Variants in DYNC1I1 observed in about 807,000 individuals in gnomAD.
The protein encoded by DYNC1I1 is cytoplasmic dynein 1 intermediate chain 1.
Under a neutral mutation model 86.6 loss-of-function variants are expected in DYNC1I1, and 43 were observed. The observed-to-expected ratio is 0.50, with a 90% confidence interval of 0.39 to 0.64. The LOEUF (loss-of-function observed/expected upper bound fraction) is 0.64. Ranked by LOEUF, DYNC1I1 falls within the 30% of genes least tolerant of loss-of-function variation. The probability of loss-of-function intolerance (pLI) is 0.00; values close to 1 mark genes in which losing one functional copy is unlikely to be tolerated. For missense variants in DYNC1I1, 604 were observed against 788.8 expected (o/e 0.77, Z 2.81); for synonymous variants, 262 against 283.7 (o/e 0.92, Z 0.77).
chr7:95,861,778 G>A (rs1163011309), intron 5 of DYNC1I1, among the ~76,000 whole-genome samples: 1 of 152,198 alleles, frequency 6.6e-6, no homozygotes, highest in East Asian at 1.9e-4. Context: ...TGGAAGTCAT[G>A]CGAAGGTGTT....
chr7:96,097,497 C>T lies in DYNC1I1; in HGVS notation c.1791C>T (p.His597=). The T allele has an allele frequency of 6.2e-7, 1 of 1,613,708 alleles. No homozygotes were observed. The highest frequency in any genetic ancestry group is 8.5e-7 in the Non-Finnish European group (1 of 1,179,736). ...VYDVGELAVP[H]NDEWTRFART... Reference sequence around the variant, plus strand: ...TTGCTTTGCAGCTTGCAGTTCCCCACAATGATGAATGGACCCGATTTGCCA... The same window carrying T: ...TTGCTTTGCAGCTTGCAGTTCCCCATAATGATGAATGGACCCGATTTGCCA... Residue 597 remains histidine (H), a synonymous_variant, in exon 17 of 17, where the codon CAC becomes CAT. Coordinates refer to ENST00000447467, the MANE Select transcript of DYNC1I1 (RefSeq NM_001135556.2).
chr7:96,051,624 A>C (rs934767899), intron 14 of DYNC1I1, among the ~76,000 whole-genome samples: 1 of 152,222 alleles, frequency 6.6e-6, no homozygotes, highest in African/African-American at 2.4e-5. Context: ...CTCTGCTCTG[A>C]GAATAAAATT....
At chr7:95,833,941 T>C (rs1788997401) in intron 5 of DYNC1I1, among the ~76,000 whole-genome samples, 1 of 144,648 alleles carries the variant, frequency 6.9e-6, no homozygotes, top group Non-Finnish European at 1.5e-5. Flanking sequence ...CTTCCTCTTT[T>C]CCTAATTGAA....
chr7:96,012,671 A>G (rs1466984844), intron 10 of DYNC1I1, among the ~76,000 whole-genome samples: 1 of 152,130 alleles, frequency 6.6e-6, no homozygotes. Flanking sequence ...TTAGCTAGTG[A>G]TGGGCTGTGG....
intron 6 of DYNC1I1, among the ~76,000 whole-genome samples, chr7:95,954,100 G>A (rs1792633869): frequency 6.6e-6 from 1 of 152,044 alleles, no homozygotes; most frequent in Non-Finnish European, 1.5e-5. Context: ...CCGGGATATT[G>A]AGGGAGGGAA....
intron 10 of DYNC1I1, among the ~76,000 whole-genome samples, chr7:95,997,686 T>C (rs957786082): frequency 6.6e-6 from 1 of 151,086 alleles, no homozygotes; most frequent in African/African-American, 2.4e-5. Flanking sequence ...TCTCCCTTAA[T>C]GATCCAATAT....
intron 7 of DYNC1I1, among the ~76,000 whole-genome samples, chr7:95,981,256 A>G (rs993914561): frequency 2.1e-4 from 32 of 152,130 alleles, no homozygotes; most frequent in Non-Finnish European, 3.4e-4. Flanking sequence ...TTAAAGTAGT[A>G]TAAATTAATT....
intron 10 of DYNC1I1, among the ~76,000 whole-genome samples, chr7:96,027,388 G>T (rs1466619361): frequency 6.6e-6 from 1 of 152,194 alleles, no homozygotes; most frequent in African/African-American, 2.4e-5. Context: ...CTGACTTTAA[G>T]TGCATTATGG....
At chr7:95,869,068 C>T (rs995212636) in intron 5 of DYNC1I1, among the ~76,000 whole-genome samples, 2 of 152,108 alleles carry the variant, frequency 1.3e-5, no homozygotes, top group Non-Finnish European at 2.9e-5. Flanking sequence ...CTACAATTTA[C>T]GAGTTGTATA....
At chr7:95,889,013 G>A (rs1156628750) in intron 6 of DYNC1I1, among the ~76,000 whole-genome samples, 1 of 152,158 alleles carries the variant, frequency 6.6e-6, no homozygotes, top group Non-Finnish European at 1.5e-5. Context: ...AGAAGTCATT[G>A]GAGGAAGCTG....
chr7:96,077,553 C>A (rs942573863), intron 15 of DYNC1I1, among the ~76,000 whole-genome samples: 3 of 151,900 alleles, frequency 2.0e-5, no homozygotes, highest in African/African-American at 7.3e-5. Flanking sequence ...ATGTTATTAC[C>A]CTACATTGTA....
At chr7:95,998,545 CA>C (rs59360364) in intron 10 of DYNC1I1, among the ~76,000 whole-genome samples, 3,550 of 152,302 alleles carry the variant, frequency 0.023, 149 homozygotes, top group African/African-American at 0.08. Context: ...TTATTTATTA[CA>C]ACTGGTCATT....
intron 14 of DYNC1I1, 147 bp downstream of exon 14, chr7:96,039,568 A>G: frequency 1.2e-6 from 1 of 867,378 alleles, no homozygotes. Context: ...AGTCTACCTC[A>G]GAGCTAGTTA....
chr7:95,977,500 T>C lies in DYNC1I1; in HGVS notation c.491-12T>C. ...AAAGAAAATATTGTATTTTTCTCTT[T>C]CTTTTTTCTAGAGGATGAGGAAGAT... On this transcript the variant is annotated splice_polypyrimidine_tract_variant and intron_variant, in intron 6 of 16. Coordinates refer to ENST00000447467, the MANE Select transcript of DYNC1I1 (RefSeq NM_001135556.2). 6.2e-7 allele frequency: 1 copy of C among 1,610,324 alleles called. No homozygotes were observed. The highest frequency in any genetic ancestry group is 1.1e-5 in the South Asian group (1 of 89,870).
intron 5 of DYNC1I1, among the ~76,000 whole-genome samples, chr7:95,845,741 C>T (rs1000066915): frequency 1.4e-4 from 22 of 152,190 alleles, no homozygotes; most frequent in African/African-American, 5.1e-4. Flanking sequence ...TATATTCTGA[C>T]CCATGAAGAA....
intron 6 of DYNC1I1, among the ~76,000 whole-genome samples, chr7:95,908,733 T>G: frequency 6.6e-6 from 1 of 151,976 alleles, no homozygotes; most frequent in East Asian, 1.9e-4. Context: ...AGCGGTTGGT[T>G]TAGAAAGTGT....
At chr7:96,039,160 T>C (rs995496549) in intron 13 of DYNC1I1, 117 bp from the exon 14 acceptor site, 28 of 1,111,304 alleles carry the variant, frequency 2.5e-5, no homozygotes, top group Non-Finnish European at 2.2e-5. Flanking sequence ...TGGTGGTGTG[T>C]GGTTGTTCTA....
intron 10 of DYNC1I1, among the ~76,000 whole-genome samples, 179 bp downstream of exon 10, chr7:95,996,252 A>G (rs974941902): frequency 6.6e-6 from 1 of 152,190 alleles, no homozygotes; most frequent in African/African-American, 2.4e-5. Context: ...ACCCTCCCCA[A>G]ACAGTTAGGA....
In DYNC1I1 at chr7:96,064,212, C is replaced by A. The variant is rs201188976; in HGVS notation, c.1510-11845C>A. 2.3e-4 allele frequency among the ~76,000 whole-genome samples: 8 copies of A among 35,456 alleles called. No individual in the cohort carries two copies. In the East Asian group the frequency reaches 7.4e-3, roughly 33 times the overall value. 23.3% of individuals were successfully genotyped at this position (35,456 alleles called of 152,430 possible). On this transcript the variant is annotated intron_variant, in intron 14 of 16. Coordinates refer to ENST00000447467, the MANE Select transcript of DYNC1I1 (RefSeq NM_001135556.2). Reference sequence around the variant, plus strand: ...ATTTCATGGAAAGAAATATTCATATCTCTCTCTCTCTCTCTCTCTCTCTCT... The same window carrying A: ...ATTTCATGGAAAGAAATATTCATATATCTCTCTCTCTCTCTCTCTCTCTCT...
Sources: gnomAD v4.1 joint callset for allele counts (sites outside exome capture counted in the v4.1 genomes callset) on GRCh38, gnomAD v4.1.1 for gene constraint, MANE v1.5 for transcripts, NCBI Gene and HGNC (gene_info 2026-07-23, HGNC 2026-07-21) for gene names.